The following CIT variants were observed in gnomAD, a reference collection of about 807,000 sequenced individuals.
CIT encodes the protein citron Rho-interacting kinase.
In CIT, 79 loss-of-function variants were observed where a neutral mutation model predicts 272.7. That is an observed-to-expected ratio of 0.29 (90% CI 0.24 to 0.35). The LOEUF (loss-of-function observed/expected upper bound fraction) is 0.35, where lower values mean the gene tolerates loss of function less well. Among genes scored for constraint, CIT ranks in the 10% least tolerant of loss-of-function variants. The pLI is 1.00. For synonymous variants in CIT, 948 were observed against 995.6 expected (o/e 0.95, Z 0.90); for missense variants, 1,909 against 2,618.3 (o/e 0.73, Z 5.91).
intron 24 of CIT, among the ~76,000 whole-genome samples, chr12:119,739,856 GCT>G (rs1958973586): frequency 1.3e-5 from 2 of 152,122 alleles, no homozygotes; most frequent in African/African-American, 4.8e-5. Context: ...GGAACCAGCA[GCT>G]CTCTCTCTTC....
intron 10 of CIT, 144 bp downstream of exon 10, chr12:119,803,058 CAGGT>C (rs1593805360): frequency 1.8e-6 from 1 of 568,882 alleles, no homozygotes; most frequent in Admixed American, 3.6e-5. Flanking sequence ...AAAGCCCTAA[CAGGT>C]AGACTGCTTT....
At chr12:119,758,885 T>C (rs1476960853) in intron 20 of CIT, among the ~76,000 whole-genome samples, 185 bp from the exon 21 acceptor site, 1 of 152,184 alleles carries the variant, frequency 6.6e-6, no homozygotes, top group Non-Finnish European at 1.5e-5. Context: ...TGGTTGTTTT[T>C]TCAGTGATGA....
chr12:119,728,210 AT>A lies in CIT; in HGVS notation c.3591+291del, dbSNP rs1958229940. 6.6e-6 allele frequency among the ~76,000 whole-genome samples: 1 copy of A among 152,160 alleles called. No homozygotes were observed. Among genetic ancestry groups the A allele is most frequent in the East Asian group, 1.9e-4 (1 of 5,196 alleles). On this transcript the variant is annotated intron_variant, in intron 28 of 47. Coordinates refer to ENST00000392521, the MANE Select transcript of CIT (RefSeq NM_001206999.2). The surrounding 1 kb of genome is among the most constrained non-coding windows in gnomAD (Gnocchi z 4.3). Reference sequence around the variant, plus strand: ...TAAAGGTGGATAACTGTCATTACACATTTGTCAAAACCCATAGAACATACAA... The same window carrying A: ...TAAAGGTGGATAACTGTCATTACACATTGTCAAAACCCATAGAACATACAA...
rs57041284 is a variant in CIT at position 119,754,752 on chromosome 12, T to C, written c.2707-2505A>G. On this transcript the variant is annotated intron_variant, in intron 22 of 47. Coordinates refer to ENST00000392521, the MANE Select transcript of CIT (RefSeq NM_001206999.2). ...AACTGCAAAACTCCCAGGGAGAATA[T>C]AGAGCCTGAACCTCTCGTGAAACGT... Among the ~76,000 whole-genome samples, 627 of 152,324 alleles carry C rather than the reference T, an allele frequency of 4.1e-3. 3 individuals carry two copies. Among genetic ancestry groups the C allele is most frequent in the African/African-American group, 0.015 (603 of 41,568 alleles).
chr12:119,695,349 C>T (rs1311520560), intron 46 of CIT, among the ~76,000 whole-genome samples: 1 of 152,122 alleles, frequency 6.6e-6, no homozygotes, highest in African/African-American at 2.4e-5. Flanking sequence ...TGCTATCTGA[C>T]CTGCCTAGCG....
intron 43 of CIT, 47 bp downstream of exon 43, chr12:119,701,577 A>G: frequency 1.2e-6 from 2 of 1,600,488 alleles, no homozygotes; most frequent in Non-Finnish European, 1.7e-6. Context: ...ATGGGTCCCT[A>G]GTGTCCATGA....
At chr12:119,863,224 AAG>A (rs1294366357) in intron 3 of CIT, among the ~76,000 whole-genome samples, 2 of 150,732 alleles carry the variant, frequency 1.3e-5, no homozygotes, top group Non-Finnish European at 3.0e-5. Flanking sequence ...AAAAAAAAAA[AAG>A]AGGCTGACAT....
At chr12:119,727,586 T>C (rs1402462421) in intron 28 of CIT, among the ~76,000 whole-genome samples, 1 of 152,180 alleles carries the variant, frequency 6.6e-6, no homozygotes, top group Non-Finnish European at 1.5e-5. Context: ...AAAACACTTG[T>C]ACCCCTAAAG....
At chr12:119,700,661 G>T (rs773721011) in intron 44 of CIT, 84 bp downstream of exon 44, 2 of 1,148,288 alleles carry the variant, frequency 1.7e-6, no homozygotes, top group South Asian at 1.2e-5. Flanking sequence ...GATTACAGGC[G>T]TGAGCCACCG....
At chr12:119,808,210 G>T (rs1331451102) in intron 9 of CIT, among the ~76,000 whole-genome samples, 1 of 150,886 alleles carries the variant, frequency 6.6e-6, no homozygotes, top group African/African-American at 2.4e-5. Context: ...AAAAATATTC[G>T]AAAAAAAACA....
chr12:119,742,293 C>T (rs1317824911), intron 24 of CIT, 118 bp downstream of exon 24: 1 of 683,916 alleles, frequency 1.5e-6, no homozygotes, highest in Non-Finnish European at 2.3e-6. Flanking sequence ...GCATTATCTT[C>T]TTCAAGCTGC....
At position 119,697,670 on chromosome 12, in the gene CIT, G is replaced by A. The variant is rs1956306124; in HGVS notation, c.5871C>T (p.Ser1957=). The change falls in exon 46 of 48, where the codon TCC becomes TCT. Residue 1957 remains serine, a synonymous_variant. Transcript: ENST00000392521. This position sits in a 1 kb window ranked among gnomAD's most constrained non-coding sequence, Gnocchi z 4.9. The part of the protein sequence containing the change: ...ESGTEHHRGP[S]TSRSSPNKRG... The stretch of plus-strand genomic sequence containing the variant: ...GAGAAGCTGGTTACCTGCGGGAGGT[G>A]GACGGGCCCCGGTGGTGTTCAGTGC... 1 of 1,613,722 alleles carries A rather than the reference G, an allele frequency of 6.2e-7. No individual in the cohort carries two copies. The highest frequency in any genetic ancestry group is 1.7e-5 in the Admixed American group (1 of 59,970).
At chr12:119,720,221 A>T (rs548486840) in intron 30 of CIT, among the ~76,000 whole-genome samples, 2 of 152,284 alleles carry the variant, frequency 1.3e-5, no homozygotes, top group South Asian at 4.1e-4. Flanking sequence ...CTGGGGAGGG[A>T]TTACTTCTTT....
At chr12:119,835,492 T>C (rs953028479) in intron 5 of CIT, among the ~76,000 whole-genome samples, 46 of 152,330 alleles carry the variant, frequency 3.0e-4, no homozygotes, top group African/African-American at 1.1e-3. Context: ...TTAACCCTTA[T>C]TGAGTTCTCC....
At chr12:119,699,622 G>A (rs942054093) in intron 44 of CIT, 3 of 357,552 alleles carry the variant, frequency 8.4e-6, no homozygotes, top group African/African-American at 4.3e-5. Flanking sequence ...AAAGCAACAA[G>A]GCCTCCAGCC....
intron 14 of CIT, 86 bp from the exon 15 acceptor site, chr12:119,776,494 G>T: frequency 8.2e-7 from 1 of 1,218,956 alleles, no homozygotes; most frequent in Non-Finnish European, 1.2e-6. Flanking sequence ...CTGTGACCAA[G>T]ATAATAATAG....
chr12:119,717,831 C>CTGACTTCTT (rs1957594211), intron 32 of CIT, among the ~76,000 whole-genome samples: 1 of 75,232 alleles, frequency 1.3e-5, no homozygotes, highest in African/African-American at 5.4e-5. Flanking sequence ...AGGAGACTGA[C>CTGACTTCTT]TTCTTTCTTT....
Position 119,718,211 on chromosome 12 carries a change from G to T in CIT, c.4168+34C>A. 1 of 1,580,664 alleles carries T rather than the reference G, an allele frequency of 6.3e-7. No individual in the cohort carries two copies. The highest frequency in any genetic ancestry group is 1.1e-5 in the South Asian group (1 of 87,348). ...TACCATATGCCCACATGTCTTAGTC[G>T]ACTAAAAGAAATTTCCATACAACTC... On this transcript the variant is annotated intron_variant, in intron 32 of 47. Transcript: ENST00000392521. The surrounding 1 kb of genome is among the most constrained non-coding windows in gnomAD (Gnocchi z 4.8).
intron 24 of CIT, among the ~76,000 whole-genome samples, chr12:119,740,616 T>C (rs944284487): frequency 2.6e-5 from 4 of 152,144 alleles, no homozygotes; most frequent in African/African-American, 9.6e-5. Flanking sequence ...TGGAACAGGA[T>C]TACTAATGCA....
Sources: gnomAD v4.1 joint callset for allele counts (sites outside exome capture counted in the v4.1 genomes callset) on GRCh38, gnomAD v4.1.1 for gene constraint, Gnocchi (gnomAD v3.1) non-coding constraint, MANE v1.5 for transcripts, NCBI Gene and HGNC (gene_info 2026-07-23, HGNC 2026-07-21) for gene names.